Variants in EPRS1 observed in about 807,000 individuals in gnomAD.
EPRS1 encodes the protein glutamyl-prolyl-tRNA synthetase 1, also known as bifunctional glutamate/proline--tRNA ligase.
EPRS1 carries 107 observed loss-of-function variants against 188.3 expected under a neutral mutation model. That is an observed-to-expected ratio of 0.57 (90% CI 0.49 to 0.67). EPRS1 has a LOEUF of 0.67. Ranked by LOEUF, EPRS1 falls within the 30% of genes least tolerant of loss-of-function variation. The pLI, the probability that EPRS1 is intolerant of heterozygous loss-of-function variation, is 0.00. For missense variants in EPRS1, 1,577 were observed against 1,802.2 expected (o/e 0.88, Z 2.26); for synonymous variants, 596 against 593.1 (o/e 1.00, Z -0.07).
chr1:220,012,610 AT>A (rs1230335272), intron 12 of EPRS1, among the ~76,000 whole-genome samples: 1 of 152,250 alleles, frequency 6.6e-6, no homozygotes, highest in Non-Finnish European at 1.5e-5. Flanking sequence ...CTTAAAAGGT[AT>A]TTTTAGCTCT....
chr1:219,989,473 G>A (rs1661078177), intron 18 of EPRS1, among the ~76,000 whole-genome samples: 1 of 151,208 alleles, frequency 6.6e-6, no homozygotes, highest in Admixed American at 6.6e-5. Flanking sequence ...TACCTGAAAT[G>A]GTGCTACTAT....
intron 19 of EPRS1, 124 bp from the exon 20 acceptor site, chr1:219,987,528 G>T: frequency 1.3e-6 from 1 of 786,784 alleles, no homozygotes; most frequent in Non-Finnish European, 2.0e-6. Context: ...CGGGGAATGT[G>T]CCCAGGTGGT....
At chr1:219,979,175 G>A (rs1002737514) in intron 27 of EPRS1, among the ~76,000 whole-genome samples, 11 of 152,000 alleles carry the variant, frequency 7.2e-5, no homozygotes, top group African/African-American at 2.2e-4. Context: ...ACTATAAACC[G>A]TTTTTAAAAA....
chr1:219,995,545 CCAG>C (rs1224241098), intron 18 of EPRS1, among the ~76,000 whole-genome samples: 1 of 152,178 alleles, frequency 6.6e-6, no homozygotes, highest in Non-Finnish European at 1.5e-5. Flanking sequence ...ACTCATACAT[CCAG>C]CAGCATTTAT....
intron 1 of EPRS1, among the ~76,000 whole-genome samples, chr1:220,041,428 T>C (rs1049412479): frequency 2.0e-5 from 3 of 152,060 alleles, no homozygotes; most frequent in African/African-American, 7.2e-5. Context: ...CTTGACAAAA[T>C]ATATAGCAGT....
At chr1:220,040,668 T>C (rs1273474554) in intron 1 of EPRS1, among the ~76,000 whole-genome samples, 3 of 152,016 alleles carry the variant, frequency 2.0e-5, no homozygotes, top group Admixed American at 1.3e-4. Context: ...CTGACCGACA[T>C]GGAGAAACCC....
intron 12 of EPRS1, 72 bp downstream of exon 12, chr1:220,018,377 G>T: frequency 1.7e-6 from 2 of 1,209,712 alleles, no homozygotes; most frequent in Non-Finnish European, 2.5e-6. Flanking sequence ...CATGAGCACA[G>T]TAATGACTTC....
intron 18 of EPRS1, among the ~76,000 whole-genome samples, chr1:219,993,228 C>CA (rs112928567): frequency 0.021 from 2,874 of 139,736 alleles, 56 homozygotes; most frequent in African/African-American, 0.049. Context: ...GACCCTGTCT[C>CA]AAAAAAAAAA....
At chr1:219,990,554 A>G (rs1402468866) in intron 18 of EPRS1, among the ~76,000 whole-genome samples, 1 of 152,180 alleles carries the variant, frequency 6.6e-6, no homozygotes, top group African/African-American at 2.4e-5. Context: ...CCAGAGTTAC[A>G]CAATAAGTAG....
At position 219,981,444 on chromosome 1, in the gene EPRS1, T is replaced by C. The variant is rs765211356; in HGVS notation, c.3387A>G (p.Ala1129=). 11 of 1,600,918 alleles carry C rather than the reference T, an allele frequency of 6.9e-6. No individual in the cohort carries two copies. Among genetic ancestry groups the C allele is most frequent in the Admixed American group, 1.7e-5 (1 of 59,326 alleles). Residue 1129 remains alanine, a synonymous_variant, in exon 24 of 32, where the codon GCA becomes GCG. Transcript: ENST00000366923. ...TGTGTGACTGTACCCATTTTGCATA[T>C]GCAGGATACATTACTGAAAGACACG... ...RPTSETVMYP[A]YAKWVQSHRD...
intron 3 of EPRS1, 134 bp downstream of exon 3, chr1:220,034,780 C>A: frequency 3.1e-6 from 2 of 649,630 alleles, no homozygotes; most frequent in Non-Finnish European, 2.8e-6. Flanking sequence ...CATTCTGTAC[C>A]TTGGTCTATA....
At chr1:219,987,024 G>T in intron 20 of EPRS1, 118 bp downstream of exon 20, 3 of 1,050,304 alleles carry the variant, frequency 2.9e-6, no homozygotes, top group Non-Finnish European at 4.2e-6. Flanking sequence ...TGACATTGTA[G>T]CTTTAGCGTT....
chr1:220,003,732 A>T (rs575814560), intron 16 of EPRS1, among the ~76,000 whole-genome samples: 1 of 152,334 alleles, frequency 6.6e-6, no homozygotes, highest in South Asian at 2.1e-4. Context: ...CTAAATACTT[A>T]AGGAGGGCTT....
intron 10 of EPRS1, among the ~76,000 whole-genome samples, 181 bp downstream of exon 10, chr1:220,019,807 G>A (rs1259582173): frequency 2.6e-5 from 4 of 152,240 alleles, no homozygotes; most frequent in African/African-American, 9.6e-5. Flanking sequence ...ATTATTTGTG[G>A]CATTAAAACA....
intron 28 of EPRS1, among the ~76,000 whole-genome samples, chr1:219,975,045 A>G (rs1298009132): frequency 6.6e-6 from 1 of 152,216 alleles, no homozygotes; most frequent in Non-Finnish European, 1.5e-5. Flanking sequence ...AAAAATGCCT[A>G]TGTCATAAAT....
intron 22 of EPRS1, 43 bp from the exon 23 acceptor site, chr1:219,982,887 A>G: frequency 6.5e-7 from 1 of 1,547,054 alleles, no homozygotes; most frequent in Non-Finnish European, 8.9e-7. Context: ...TTTCAATAGC[A>G]TTTTGGAGCA....
chr1:220,011,016 T>C lies in EPRS1; in HGVS notation c.1535A>G (p.Lys512Arg). ...PVAPRYVALLKKEVIPVNVPE... is the reference protein window; with the variant it reads ...PVAPRYVALLRKEVIPVNVPE... Reference sequence around the variant, plus strand: ...TACATTCACTGGGATCACTTCTTTCTTCAGTAATGCAACATATCGTGGAGC... The same window carrying C: ...TACATTCACTGGGATCACTTCTTTCCTCAGTAATGCAACATATCGTGGAGC... The change falls in exon 13 of 32, where the codon AAG (lysine) becomes AGG (arginine). Residue 512 changes from lysine to arginine, a missense_variant. Lys to Arg is a conservative substitution (Grantham distance 26). Coordinates refer to ENST00000366923, the MANE Select transcript of EPRS1 (RefSeq NM_004446.3). The C allele has an allele frequency of 6.2e-7, 1 of 1,613,598 alleles. No homozygotes were observed. The highest frequency in any genetic ancestry group is 8.5e-7 in the Non-Finnish European group (1 of 1,179,550).
intron 2 of EPRS1, 150 bp from the exon 3 acceptor site, chr1:220,035,163 T>C: frequency 1.8e-6 from 1 of 543,592 alleles, no homozygotes; most frequent in Non-Finnish European, 3.3e-6. Flanking sequence ...ATTGTTTGTT[T>C]GTTTCAGATG....
chr1:219,993,580 C>T (rs1661165401), intron 18 of EPRS1, among the ~76,000 whole-genome samples: 1 of 152,184 alleles, frequency 6.6e-6, no homozygotes, highest in Non-Finnish European at 1.5e-5. Flanking sequence ...TAACCTAAAA[C>T]TTCAGCTGGT....
Sources: allele counts gnomAD v4.1 joint callset (sites outside exome capture counted in the v4.1 genomes callset), GRCh38; gene constraint gnomAD v4.1.1; transcripts MANE v1.5; gene names NCBI Gene and HGNC (gene_info 2026-07-23, HGNC 2026-07-21).